Variants in SPO11 observed in about 807,000 individuals in gnomAD.
SPO11 encodes the protein SPO11 initiator of meiotic double strand breaks, also known as meiotic recombination protein SPO11.
Under a neutral mutation model 51.6 loss-of-function variants are expected in SPO11, and 49 were observed. That is an observed-to-expected ratio of 0.95 (90% CI 0.75 to 1.20). The LOEUF is 1.20. SPO11 is among the 50% of genes most tolerant of loss of function. SPO11 has a pLI of 0.00. For synonymous variants in SPO11, 176 were observed against 158.2 expected, an observed-to-expected ratio of 1.11 and a Z score of -0.84; for missense variants, 431 against 473.4, an observed-to-expected ratio of 0.91 and a Z score of 0.83.
rs1399947568 is a variant in SPO11 at position 57,332,045 on chromosome 20, C to T, written c.245+99C>T. 7 of 661,514 alleles carry T rather than the reference C, an allele frequency of 1.1e-5. No individual in the cohort carries two copies. In the South Asian group the frequency reaches 1.8e-4, roughly 17 times the overall value. 41.0% of individuals were successfully genotyped at this position (661,514 alleles called of 1,614,324 possible). A position where few individuals can be genotyped will look rare whatever the true frequency, so the allele number is the denominator to read the frequency against. ...GGTCATATTTTTTTCATTTTATTGC[C>T]TTTACCTTGCCAAAAAAAAGGATTT... On this transcript the variant is annotated intron_variant, in intron 2 of 12. Coordinates refer to ENST00000371263, the MANE Select transcript of SPO11 (RefSeq NM_012444.3).
At chr20:57,331,801 A>T in intron 1 of SPO11, 32 bp from the exon 2 acceptor site, 1 of 1,248,750 alleles carries the variant, frequency 8.0e-7, no homozygotes, top group Non-Finnish European at 1.1e-6. Flanking sequence ...ATTTATGATT[A>T]AGATGGAATC....
chr20:57,341,117 T>C (rs1212412598), intron 11 of SPO11, among the ~76,000 whole-genome samples: 2 of 152,218 alleles, frequency 1.3e-5, no homozygotes, highest in Non-Finnish European at 2.9e-5. Context: ...GTGATCACTT[T>C]TCCATGTCAA....
chr20:57,333,632 T>C, intron 3 of SPO11, 55 bp from the exon 4 acceptor site: 1 of 955,914 alleles, frequency 1.0e-6, no homozygotes, highest in Admixed American at 2.1e-5. Context: ...AGCAGTATCT[T>C]TTGAATCAGT....
chr20:57,339,685 TTA>T (rs1360756365), intron 10 of SPO11, among the ~76,000 whole-genome samples: 1 of 152,174 alleles, frequency 6.6e-6, no homozygotes, highest in Non-Finnish European at 1.5e-5. Flanking sequence ...AGGGCTTCAT[TTA>T]TAGTTTGCTT....
At chr20:57,336,633 C>T (rs1014334448) in intron 8 of SPO11, among the ~76,000 whole-genome samples, 7 of 152,164 alleles carry the variant, frequency 4.6e-5, no homozygotes, top group Admixed American at 1.3e-4. Context: ...AAACATCTCT[C>T]GCAAATGCCT....
chr20:57,329,834 G>T lies in SPO11; in HGVS notation c.-34G>T. ...GCCCCAAGGGCGCAGCCTAGGACAG[G>T]GGCTTCTGGAGCTTCTGGCAGCCGT... On this transcript the variant is annotated 5_prime_UTR_variant, in exon 1 of 13. Coordinates refer to ENST00000371263, the MANE Select transcript of SPO11 (RefSeq NM_012444.3). 1 of 1,598,760 alleles carries T rather than the reference G, an allele frequency of 6.3e-7. No homozygotes were observed.
At chr20:57,342,677 T>G (rs1266761969) in intron 11 of SPO11, 52 bp from the exon 12 acceptor site, 33 of 1,171,250 alleles carry the variant, frequency 2.8e-5, no homozygotes, top group Non-Finnish European at 4.2e-5. Flanking sequence ...TACAGGACAT[T>G]CAAGTTACAG....
chr20:57,340,289 A>G, intron 11 of SPO11, 111 bp downstream of exon 11: 1 of 625,608 alleles, frequency 1.6e-6, no homozygotes, highest in Non-Finnish European at 2.8e-6. Flanking sequence ...TTTTATTTAT[A>G]TTGTCCACGA....
intron 12 of SPO11, 105 bp downstream of exon 12, chr20:57,342,945 T>A: frequency 1.3e-6 from 1 of 780,526 alleles, no homozygotes; most frequent in South Asian, 1.7e-5. Flanking sequence ...AAATTTTATA[T>A]GACACGACTA....
chr20:57,334,401 G>T (rs2066486708), intron 5 of SPO11, among the ~76,000 whole-genome samples: 1 of 152,138 alleles, frequency 6.6e-6, no homozygotes, highest in Non-Finnish European at 1.5e-5. Flanking sequence ...TGATCCACCT[G>T]CCTCGGCCTC....
At chr20:57,333,884 T>C (rs1269737711) in intron 4 of SPO11, 103 bp from the exon 5 acceptor site, 1 of 904,116 alleles carries the variant, frequency 1.1e-6, no homozygotes, top group African/African-American at 1.7e-5. Context: ...CTTTATATGT[T>C]GTGTTTTCAT....
intron 2 of SPO11, among the ~76,000 whole-genome samples, chr20:57,332,901 A>G (rs976311891): frequency 1.3e-5 from 2 of 152,188 alleles, no homozygotes; most frequent in Admixed American, 1.3e-4. Context: ...CTTCCCAGTA[A>G]AAAAGTATGC....
At chr20:57,337,886 C>T in intron 8 of SPO11, 1 of 563,684 alleles carries the variant, frequency 1.8e-6, no homozygotes, top group Non-Finnish European at 2.7e-6. Context: ...TTTATTATTA[C>T]TATTATTATT....
rs769042547 is a variant in SPO11, at chr20:57,333,991, A to G, written c.406A>G (p.Ile136Val). Reference protein sequence around the residue: ...QSNTYATKRDIYYTDSQLFGN... With the variant: ...QSNTYATKRDVYYTDSQLFGN... ...ATGTATTTTAAATTTTCATAGGGACATATATTACACTGACAGTCAACTCTT... is the reference window on the plus strand; with the variant it reads ...ATGTATTTTAAATTTTCATAGGGACGTATATTACACTGACAGTCAACTCTT... Residue 136 changes from isoleucine (I) to valine (V), a missense_variant, in exon 5 of 13, where the codon ATA becomes GTA. Ile to Val is a conservative substitution (Grantham distance 29). This residue lies in a region of SPO11 where 405 missense variants were observed against 425.9 expected (regional missense o/e 0.95). Transcript: ENST00000371263. 1 of 1,534,350 alleles carries G rather than the reference A, an allele frequency of 6.5e-7. No individual in the cohort carries two copies. Among genetic ancestry groups the G allele is most frequent in the South Asian group, 1.2e-5 (1 of 81,410 alleles).
At chr20:57,338,769 G>T (rs2066544884) in intron 9 of SPO11, among the ~76,000 whole-genome samples, 1 of 151,952 alleles carries the variant, frequency 6.6e-6, no homozygotes, top group Non-Finnish European at 1.5e-5. Flanking sequence ...CTACTCTCGG[G>T]ACACTTATGA....
In SPO11 at chr20:57,333,765, G is replaced by T. The variant is rs1358182118; in HGVS notation, c.401+12G>T. 1 of 1,362,160 alleles carries T rather than the reference G, an allele frequency of 7.3e-7. No homozygotes were observed. The highest frequency in any genetic ancestry group is 1.3e-5 in the South Asian group (1 of 79,992). 84.4% of individuals were successfully genotyped at this position (1,362,160 alleles called of 1,614,324 possible). A position where few individuals can be genotyped will look rare whatever the true frequency, so the allele number is the denominator to read the frequency against. Reference sequence around the variant, plus strand: ...TATGCAACCAAAAGGTAAATATATTGTTCTAGTAAATTACTCTTCAAAATG... The same window carrying T: ...TATGCAACCAAAAGGTAAATATATTTTTCTAGTAAATTACTCTTCAAAATG... On this transcript the variant is annotated intron_variant, in intron 4 of 12. Transcript: ENST00000371263.
chr20:57,334,096 G>A lies in SPO11; in HGVS notation c.510+1G>A. On this transcript the variant is annotated splice_donor_variant, in intron 5 of 12. Transcript: ENST00000371263. LOFTEE classifies it high-confidence loss of function. The stretch of plus-strand genomic sequence containing the variant: ...AGTGTCAAGGAGGAGTCTACATATA[G>A]TAAGTAGTACCTAATACAAAACATT... 2.2e-6 allele frequency: 3 copies of A among 1,378,752 alleles called. No individual in the cohort carries two copies. The highest frequency in any genetic ancestry group is 2.0e-6 in the Non-Finnish European group (2 of 991,602). The allele number at this position is 1,378,752 out of a possible 1,614,324, so 85.4% of individuals were successfully genotyped here.
chr20:57,343,390 C>T lies in SPO11; in HGVS notation c.1121C>T (p.Thr374Ile). The change falls in exon 13 of 13, where the codon ACT becomes ATT. Residue 374 changes from threonine (T) to isoleucine (I), a missense_variant. Physicochemically the swap from Thr to Ile is moderately conservative, Grantham distance 89 (BLOSUM62 -1). This residue lies in a region of SPO11 where 23 missense variants were observed against 27.3 expected (regional missense o/e 0.84). Coordinates refer to ENST00000371263, the MANE Select transcript of SPO11 (RefSeq NM_012444.3). Reference protein sequence around the residue: ...SKMKAEIQALTFLSSDYLSRV... With the variant: ...SKMKAEIQALIFLSSDYLSRV... ...ATGAAGGCAGAAATTCAAGCTTTGACTTTCCTATCATCAGATTATCTTTCC... is the reference window on the plus strand; with the variant it reads ...ATGAAGGCAGAAATTCAAGCTTTGATTTTCCTATCATCAGATTATCTTTCC... 1.2e-6 allele frequency: 2 copies of T among 1,611,066 alleles called. No homozygotes were observed. The highest frequency in any genetic ancestry group is 8.5e-7 in the Non-Finnish European group (1 of 1,178,878).
At chr20:57,330,556 A>G (rs971179590) in intron 1 of SPO11, among the ~76,000 whole-genome samples, 3 of 152,172 alleles carry the variant, frequency 2.0e-5, no homozygotes, top group Non-Finnish European at 4.4e-5. Context: ...ATTTTAAATG[A>G]TTTATTTAAA....
Sources: allele counts gnomAD v4.1 joint callset (sites outside exome capture counted in the v4.1 genomes callset), GRCh38; gene constraint gnomAD v4.1.1; regional missense constraint gnomAD v4.1.1; transcripts MANE v1.5; gene names NCBI Gene and HGNC (gene_info 2026-07-23, HGNC 2026-07-21).